The following PARVB variants were observed in gnomAD, a reference collection of about 807,000 sequenced individuals.
PARVB encodes the protein parvin beta, also known as beta-parvin.
In PARVB, 46 loss-of-function variants were observed where a neutral mutation model predicts 47.0. The observed-to-expected ratio is 0.98, with a 90% CI of 0.77 to 1.25. The LOEUF (loss-of-function observed/expected upper bound fraction) is 1.25. Ranked by LOEUF, PARVB falls within the 50% of genes most tolerant of loss-of-function variation. The probability of loss-of-function intolerance (pLI) is 0.00; values close to 1 mark genes in which losing one functional copy is unlikely to be tolerated. For synonymous variants in PARVB, 196 were observed against 196.3 expected (o/e 1.00, Z 0.01); for missense variants, 473 against 471.6 (o/e 1.00, Z -0.03).
intron 12 of PARVB, among the ~76,000 whole-genome samples, chr22:44,164,198 G>C (rs556813965): frequency 1.4e-4 from 21 of 152,340 alleles, no homozygotes; most frequent in African/African-American, 4.3e-4. Context: ...TCAGGATTAA[G>C]TGCGTCTCTA....
At chr22:44,160,946 G>C (rs967152489) in intron 11 of PARVB, among the ~76,000 whole-genome samples, 1 of 152,200 alleles carries the variant, frequency 6.6e-6, no homozygotes, top group Non-Finnish European at 1.5e-5. Flanking sequence ...CGTGGAAGAG[G>C]ATTCCTCAGG....
intron 1 of PARVB, among the ~76,000 whole-genome samples, chr22:44,046,086 C>T (rs1448914312): frequency 1.3e-5 from 2 of 152,166 alleles, no homozygotes; most frequent in African/African-American, 4.8e-5. Context: ...CTTTAATTTC[C>T]CTTCGCAATG....
chr22:44,089,383 C>T lies in PARVB; in HGVS notation c.113-4545C>T, dbSNP rs956211938. 1.3e-5 allele frequency: 2 copies of T among 152,332 alleles called. No individual in the cohort carries two copies. The highest frequency in any genetic ancestry group is 4.8e-5 in the African/African-American group (2 of 41,450). 9.4% of individuals were successfully genotyped at this position (152,332 alleles called of 1,614,324 possible). ...CAGTCCCTTGGAAGCTCACACCCTC[C>T]ACACCCTCCAGACACTGAGAGAATG... On this transcript the variant is annotated intron_variant, in intron 1 of 12. Coordinates refer to ENST00000338758, the MANE Select transcript of PARVB (RefSeq NM_013327.5). The surrounding 1 kb of genome is among the most constrained non-coding windows in gnomAD (Gnocchi z 4.0).
rs977455920 is a variant in PARVB, at chr22:44,008,146, G to A, written c.211+8473G>A. On this transcript the variant is annotated intron_variant, in intron 2 of 13. Transcript: ENST00000406477. ...GACAGAGTCTTGCTCTGTCACCCAG[G>A]CTGGAGCACAGTTGCATGATCTCGG... is the stretch of plus-strand genomic sequence containing the variant. Among the ~76,000 whole-genome samples the A allele has an allele frequency of 4.6e-5, 7 of 152,062 alleles. No homozygotes were observed. The East Asian group carries it at 1.3e-3, about 29-fold the overall frequency.
chr22:44,084,736 G>T (rs2051985714), intron 1 of PARVB, among the ~76,000 whole-genome samples: 1 of 152,138 alleles, frequency 6.6e-6, no homozygotes, highest in Non-Finnish European at 1.5e-5. Flanking sequence ...AGCTCACTGT[G>T]TCCCCCGAGG....
At chr22:44,056,108 G>T (rs1222311922) in intron 1 of PARVB, among the ~76,000 whole-genome samples, 1 of 152,162 alleles carries the variant, frequency 6.6e-6, no homozygotes, top group Non-Finnish European at 1.5e-5. Flanking sequence ...CTTTAGTTTT[G>T]CCCGACTTTG....
In PARVB at chr22:44,016,192, G is replaced by A. The variant is rs964119547; in HGVS notation, c.211+16519G>A. Among the ~76,000 whole-genome samples the A allele has an allele frequency of 2.0e-5, 3 of 150,202 alleles. No individual in the cohort carries two copies. In the Admixed American group the frequency reaches 2.0e-4, roughly 10 times the overall value. ...GCTCACTGCAAGCTCCACCTCCCAG[G>A]TTTACGCAATTCTCCTGCCTCAGCC... On this transcript the variant is annotated intron_variant, in intron 2 of 13. Coordinates refer to the PARVB transcript ENST00000406477.
chr22:44,024,710 C>A (rs2050700112), intron 1 of PARVB, among the ~76,000 whole-genome samples: 2 of 152,202 alleles, frequency 1.3e-5, no homozygotes, highest in South Asian at 2.1e-4. Context: ...GACCTCGGGC[C>A]ACCGTGCGGG....
intron 1 of PARVB, among the ~76,000 whole-genome samples, chr22:44,043,444 T>G (rs1769706770): frequency 6.6e-6 from 1 of 152,158 alleles, no homozygotes; most frequent in Non-Finnish European, 1.5e-5. Flanking sequence ...AGTGGTGCGA[T>G]CTCAGCTCAC....
intron 11 of PARVB, among the ~76,000 whole-genome samples, chr22:44,162,027 G>A (rs2054064671): frequency 6.6e-6 from 1 of 152,212 alleles, no homozygotes; most frequent in African/African-American, 2.4e-5. Context: ...GACATGGCCT[G>A]CCCTCCTGCC....
At chr22:44,005,169 G>A (rs911034191) in intron 2 of PARVB, among the ~76,000 whole-genome samples, 8 of 149,542 alleles carry the variant, frequency 5.3e-5, no homozygotes, top group South Asian at 4.3e-4. Flanking sequence ...GCACAATCAC[G>A]GCTCACTGCA....
At chr22:44,033,905 G>A (rs1445705301) in intron 1 of PARVB, among the ~76,000 whole-genome samples, 1 of 152,010 alleles carries the variant, frequency 6.6e-6, no homozygotes, top group Non-Finnish European at 1.5e-5. Flanking sequence ...GTTGTTTTCT[G>A]CTTCTCAAGT....
exon 1 of PARVB, chr22:43,999,330 G>C: frequency 6.3e-7 from 1 of 1,592,696 alleles, no homozygotes; most frequent in Non-Finnish European, 8.6e-7. Flanking sequence ...GGGACAGTTA[G>C]ATGTGCACAA....
chr22:44,112,150 C>T (rs902577582), intron 3 of PARVB: 1 of 152,182 alleles, frequency 6.6e-6, no homozygotes, highest in Non-Finnish European at 1.5e-5. Flanking sequence ...AACAAAAAAA[C>T]AAACAAAAAC....
chr22:44,139,908 G>A (rs2053516641), intron 7 of PARVB: 2 of 494,530 alleles, frequency 4.0e-6, no homozygotes, highest in South Asian at 4.7e-5. Flanking sequence ...CTGACCTTGT[G>A]CAAACATTAA....
At chr22:44,046,994 C>G (rs1352685334) in intron 1 of PARVB, among the ~76,000 whole-genome samples, 2 of 152,176 alleles carry the variant, frequency 1.3e-5, no homozygotes, top group Admixed American at 1.3e-4. Context: ...GGGGCCGTAG[C>G]TACAGTTTGT....
At chr22:44,013,906 T>G (rs1205545368) in intron 2 of PARVB, among the ~76,000 whole-genome samples, 1 of 152,174 alleles carries the variant, frequency 6.6e-6, no homozygotes, top group Non-Finnish European at 1.5e-5. Flanking sequence ...GTGCTGGGAT[T>G]ACAGGTGTAA....
chr22:44,032,565 CTA>C (rs2050845103), intron 1 of PARVB, among the ~76,000 whole-genome samples: 1 of 152,162 alleles, frequency 6.6e-6, no homozygotes, highest in Non-Finnish European at 1.5e-5. Flanking sequence ...CTTCTTCTCT[CTA>C]AGCCTCTGTT....
Position 44,113,631 on chromosome 22 carries a change from C to G in PARVB, c.274-5407C>G, listed in dbSNP as rs1198840364. On this transcript the variant is annotated intron_variant, in intron 3 of 12. Coordinates refer to ENST00000338758, the MANE Select transcript of PARVB (RefSeq NM_013327.5). ...TACTAACTAAGGCCCTGCACCAACA[C>G]AGATACATTGTTACTAAGGCCCTGC... 5.2e-5 allele frequency: 3 copies of G among 57,854 alleles called. 1 individual carries two copies. The highest frequency in any genetic ancestry group is 3.1e-4 in the African/African-American group (3 of 9,762). 3.6% of individuals were successfully genotyped at this position (57,854 alleles called of 1,614,324 possible).
Sources: allele counts gnomAD v4.1 joint callset (sites outside exome capture counted in the v4.1 genomes callset), GRCh38; gene constraint gnomAD v4.1.1; non-coding constraint Gnocchi (gnomAD v3.1); transcripts MANE v1.5; gene names NCBI Gene and HGNC (gene_info 2026-07-23, HGNC 2026-07-21).